AGAP1: variants seen among roughly 807,000 people sequenced by gnomAD.
The protein encoded by AGAP1 is arf-GAP with GTPase, ANK repeat and PH domain-containing protein 1.
AGAP1 carries 29 observed loss-of-function variants against 105.3 expected under a neutral mutation model. The ratio of observed to expected loss-of-function variants is 0.28; its 90% CI spans 0.21 to 0.38. The LOEUF (loss-of-function observed/expected upper bound fraction) is 0.38. Ranked by LOEUF, AGAP1 falls within the 10% of genes least tolerant of loss-of-function variation. AGAP1 has a pLI of 1.00. For missense variants in AGAP1, 998 were observed against 1,165.1 expected, an observed-to-expected ratio of 0.86 and a Z score of 2.09; for synonymous variants, 509 against 485.9, an observed-to-expected ratio of 1.05 and a Z score of -0.63.
At chr2:235,795,678 A>G (rs993068205) in intron 6 of AGAP1, among the ~76,000 whole-genome samples, 1 of 152,236 alleles carries the variant, frequency 6.6e-6, no homozygotes, top group African/African-American at 2.4e-5. Flanking sequence ...AAAAAATAGT[A>G]GAGTTTAAAA....
chr2:235,676,911 A>G (rs762624895), intron 1 of AGAP1, among the ~76,000 whole-genome samples: 12 of 152,212 alleles, frequency 7.9e-5, no homozygotes, highest in Non-Finnish European at 1.6e-4. Context: ...CAGAATTGGT[A>G]TTAAGGTCAA....
At chr2:235,504,020 C>T (rs944798528) in intron 1 of AGAP1, among the ~76,000 whole-genome samples, 8 of 152,148 alleles carry the variant, frequency 5.3e-5, no homozygotes, top group African/African-American at 1.9e-4. Flanking sequence ...TAGCTGGGAC[C>T]ACAGGCACGC....
intron 6 of AGAP1, among the ~76,000 whole-genome samples, chr2:235,794,946 C>G (rs1375398337): frequency 6.6e-6 from 1 of 152,142 alleles, no homozygotes; most frequent in East Asian, 1.9e-4. Context: ...GACAAAAACT[C>G]AATGGTTATA....
At chr2:235,899,712 G>A (rs1032083834) in intron 10 of AGAP1, among the ~76,000 whole-genome samples, 1 of 152,134 alleles carries the variant, frequency 6.6e-6, no homozygotes, top group African/African-American at 2.4e-5. Flanking sequence ...GACAGCAAAG[G>A]AATTGTGTTG....
At chr2:236,043,122 A>C (rs1056601122) in intron 15 of AGAP1, among the ~76,000 whole-genome samples, 3 of 152,240 alleles carry the variant, frequency 2.0e-5, no homozygotes, top group Non-Finnish European at 4.4e-5. Context: ...GTTAAGTAAA[A>C]ATACCCAATT....
chr2:236,075,096 T>G (rs2058601344), intron 16 of AGAP1, among the ~76,000 whole-genome samples: 1 of 152,068 alleles, frequency 6.6e-6, no homozygotes, highest in African/African-American at 2.4e-5. Flanking sequence ...AGTGATTGAT[T>G]CGGTTTACAT....
chr2:236,095,031 C>T lies in AGAP1; in HGVS notation c.2115-25161C>T, dbSNP rs1170066416. On this transcript the variant is annotated intron_variant, in intron 16 of 17. Coordinates refer to ENST00000304032, the MANE Select transcript of AGAP1 (RefSeq NM_001037131.3). The surrounding 1 kb of genome is among the most constrained non-coding windows in gnomAD (Gnocchi z 4.1). ...GGAGGATCACTTGAGCCCGGGAGGTCCAGGCTGCAGTGAGCCCTGATCAAG... is the reference window on the plus strand; with the variant it reads ...GGAGGATCACTTGAGCCCGGGAGGTTCAGGCTGCAGTGAGCCCTGATCAAG... 6.6e-6 allele frequency among the ~76,000 whole-genome samples: 1 copy of T among 151,562 alleles called. No individual in the cohort carries two copies. Among genetic ancestry groups the T allele is most frequent in the Non-Finnish European group, 1.5e-5 (1 of 67,912 alleles).
intron 1 of AGAP1, among the ~76,000 whole-genome samples, chr2:235,676,528 G>A (rs1162833507): frequency 6.6e-6 from 1 of 152,170 alleles, no homozygotes; most frequent in African/African-American, 2.4e-5. Context: ...GAGTTTACCA[G>A]GTAGAGAAGA....
chr2:235,942,180 C>T (rs758248435), intron 12 of AGAP1, among the ~76,000 whole-genome samples: 4 of 152,224 alleles, frequency 2.6e-5, no homozygotes, highest in Admixed American at 6.5e-5. Flanking sequence ...GCTGTGTAGA[C>T]AGCTCATGCC....
rs1273261225 is a variant in AGAP1 at position 235,967,927 on chromosome 2, G to A, written c.1484-535G>A. ...TGTCACTGGACATTGGTGAGAGAGA[G>A]AAAAAAATGGCATAGAATTTTTCAC... On this transcript the variant is annotated intron_variant, in intron 12 of 17. Transcript: ENST00000304032. The surrounding 1 kb of genome is among the most constrained non-coding windows in gnomAD (Gnocchi z 4.7). Among the ~76,000 whole-genome samples the A allele has an allele frequency of 6.6e-6, 1 of 152,028 alleles. No homozygotes were observed. Among genetic ancestry groups the A allele is most frequent in the Non-Finnish European group, 1.5e-5 (1 of 67,994 alleles).
At chr2:235,727,814 T>C (rs1951724325) in intron 3 of AGAP1, among the ~76,000 whole-genome samples, 1 of 151,842 alleles carries the variant, frequency 6.6e-6, no homozygotes, top group African/African-American at 2.4e-5. Context: ...GCAATCAGGG[T>C]TCAATGGTTT....
chr2:235,569,477 G>C lies in AGAP1; in HGVS notation c.163+74628G>C, dbSNP rs997362482. On this transcript the variant is annotated intron_variant, in intron 1 of 17. Transcript: ENST00000304032. The surrounding 1 kb of genome is among the most constrained non-coding windows in gnomAD (Gnocchi z 5.9). Reference sequence around the variant, plus strand: ...GAAACTTAGGCACAGAGAGACTTTTGGTGGCTCTATAGGCAGTAAAGGGCA... The same window carrying C: ...GAAACTTAGGCACAGAGAGACTTTTCGTGGCTCTATAGGCAGTAAAGGGCA... 1.3e-5 allele frequency among the ~76,000 whole-genome samples: 2 copies of C among 152,134 alleles called. No homozygotes were observed. The highest frequency in any genetic ancestry group is 2.9e-5 in the Non-Finnish European group (2 of 68,034).
At chr2:235,548,651 C>T (rs1357914751) in intron 1 of AGAP1, among the ~76,000 whole-genome samples, 2 of 60,706 alleles carry the variant, frequency 3.3e-5, no homozygotes, top group Non-Finnish European at 6.4e-5. Flanking sequence ...GAAACTCCGT[C>T]TTCAAAAAAA....
At chr2:236,064,541 A>G (rs1459566986) in intron 16 of AGAP1, among the ~76,000 whole-genome samples, 1 of 152,196 alleles carries the variant, frequency 6.6e-6, no homozygotes, top group Non-Finnish European at 1.5e-5. Context: ...GGTTGCAGTG[A>G]GCTGAGATCG....
At position 236,104,041 on chromosome 2, in the gene AGAP1, G is replaced by T. The variant is rs569199732; in HGVS notation, c.2115-16151G>T. Among the ~76,000 whole-genome samples the T allele has an allele frequency of 3.9e-4, 60 of 152,350 alleles. No individual in the cohort carries two copies. Among genetic ancestry groups the T allele is most frequent in the Admixed American group, 1.6e-3 (24 of 15,304 alleles). ...TCCCCTTTTTGCGGGTAGGGAAATT[G>T]AATATTCAAACCCAGGCCTGCAGCA... On this transcript the variant is annotated intron_variant, in intron 16 of 17. Transcript: ENST00000304032. This position sits in a 1 kb window ranked among gnomAD's most constrained non-coding sequence, Gnocchi z 4.7.
intron 9 of AGAP1, chr2:235,852,746 C>T (rs1015040193): frequency 9.7e-6 from 15 of 1,539,824 alleles, no homozygotes; most frequent in Admixed American, 6.0e-5. Context: ...TGCTGGAGCC[C>T]GTGCCCGTCA....
chr2:236,131,693 G>C lies in AGAP1; in HGVS notation c.*7571G>C, dbSNP rs2060086476. The C allele has an allele frequency of 6.6e-6, 1 of 152,158 alleles. No homozygotes were observed. The highest frequency in any genetic ancestry group is 1.5e-5 in the Non-Finnish European group (1 of 67,998). The allele number at this position is 152,158 out of a possible 1,614,324, so 9.4% of individuals were successfully genotyped here. ...GGGATTTTTTTGTGTCCGCTGTACA[G>C]TATTCTAAGGGAAAAAGAAAAAGAA... is the stretch of plus-strand genomic sequence containing the variant. On this transcript the variant is annotated 3_prime_UTR_variant, in exon 18 of 18. Coordinates refer to ENST00000304032, the MANE Select transcript of AGAP1 (RefSeq NM_001037131.3). The surrounding 1 kb of genome is among the most constrained non-coding windows in gnomAD (Gnocchi z 5.9).
rs1259319392 is a variant in AGAP1 at position 235,753,876 on chromosome 2, A to T, written c.673+3388A>T. ...ATTTTATATCATAGTTATATGGTAT[A>T]TGGTTTCTTATTTGTATATGTATTT... On this transcript the variant is annotated intron_variant, in intron 6 of 17. Coordinates refer to ENST00000304032, the MANE Select transcript of AGAP1 (RefSeq NM_001037131.3). The surrounding 1 kb of genome is among the most constrained non-coding windows in gnomAD (Gnocchi z 4.5). Among the ~76,000 whole-genome samples the T allele has an allele frequency of 1.3e-5, 2 of 152,206 alleles. No individual in the cohort carries two copies. Among genetic ancestry groups the T allele is most frequent in the Admixed American group, 6.5e-5 (1 of 15,286 alleles).
In AGAP1 at chr2:235,788,834, G is replaced by A. The variant is rs575337291; in HGVS notation, c.674-8925G>A. ...AAAACCAGCTGCGGGGCCACACCAC[G>A]TTAGGGTGCTTTTCGGCATCTCTCA... is the stretch of plus-strand genomic sequence containing the variant. On this transcript the variant is annotated intron_variant, in intron 6 of 17. Transcript: ENST00000304032. This position sits in a 1 kb window ranked among gnomAD's most constrained non-coding sequence, Gnocchi z 6.0. Among the ~76,000 whole-genome samples, 4 of 152,284 alleles carry A rather than the reference G, an allele frequency of 2.6e-5. No individual in the cohort carries two copies. Among genetic ancestry groups the A allele is most frequent in the South Asian group, 2.1e-4 (1 of 4,822 alleles).
Sources: gnomAD v4.1 joint callset for allele counts (sites outside exome capture counted in the v4.1 genomes callset) on GRCh38, gnomAD v4.1.1 for gene constraint, Gnocchi (gnomAD v3.1) non-coding constraint, MANE v1.5 for transcripts, NCBI Gene and HGNC (gene_info 2026-07-23, HGNC 2026-07-21) for gene names.